SSTR5: variants seen among roughly 807,000 people sequenced by gnomAD.
The protein encoded by SSTR5 is somatostatin receptor 5, also known as somatostatin receptor type 5.
Under a neutral mutation model 0.3 loss-of-function variants are expected in SSTR5, and 1 was observed. That is an observed-to-expected ratio of 2.98 (90% CI 1.06 to 14.15). The LOEUF is 14.15. SSTR5 is among the 30% of genes most tolerant of loss of function. The pLI, the probability that SSTR5 is intolerant of heterozygous loss-of-function variation, is 0.12. For missense variants in SSTR5, 516 were observed against 543.2 expected, an observed-to-expected ratio of 0.95 and a Z score of 0.50; for synonymous variants, 256 against 263.1, an observed-to-expected ratio of 0.97 and a Z score of 0.26.
intron 1 of SSTR5, among the ~76,000 whole-genome samples, 30 bp downstream of exon 1, chr16:1,072,852 C>T (rs1176767837): frequency 1.3e-5 from 2 of 151,894 alleles, no homozygotes; most frequent in Admixed American, 1.3e-4. Context: ...GTCCCCCTCC[C>T]GCGCGGGCAC....
Position 1,080,293 on chromosome 16 carries a change from G to A in SSTR5, c.*330G>A, listed in dbSNP as rs529760776. Reference sequence around the variant, plus strand: ...CATGCCGGCCTTCCCTCTGGGGAGCGACTTTTCCAGAAGGCCGGCCAGGCG... The same window carrying A: ...CATGCCGGCCTTCCCTCTGGGGAGCAACTTTTCCAGAAGGCCGGCCAGGCG... On this transcript the variant is annotated 3_prime_UTR_variant, in exon 2 of 2. Transcript: ENST00000689027. Among the ~76,000 whole-genome samples the A allele has an allele frequency of 1.2e-4, 18 of 152,310 alleles. No individual in the cohort carries two copies. In the South Asian group the frequency reaches 1.5e-3, roughly 12 times the overall value.
chr16:1,079,703 G>A lies in SSTR5; in HGVS notation c.835G>A (p.Glu279Lys), dbSNP rs140632661. 3.4e-4 allele frequency: 556 copies of A among 1,612,062 alleles called. 6 individuals carry two copies. Among genetic ancestry groups the A allele is most frequent in the Non-Finnish European group, 7.0e-5 (83 of 1,179,914 alleles). The change falls in exon 2 of 2, where the codon GAG (glutamate) becomes AAG (lysine). Residue 279 changes from glutamate (E) to lysine (K), a missense_variant. Glu to Lys is a moderately conservative substitution (Grantham distance 56). Coordinates refer to ENST00000689027, the MANE Select transcript of SSTR5 (RefSeq NM_001172560.3). ...IVNLAVALPQEPASAGLYFFV... is the reference protein window; with the variant it reads ...IVNLAVALPQKPASAGLYFFV... Reference sequence around the variant, plus strand: ...CAACCTGGCCGTGGCGCTGCCCCAGGAGCCCGCCTCCGCCGGCCTCTACTT... The same window carrying A: ...CAACCTGGCCGTGGCGCTGCCCCAGAAGCCCGCCTCCGCCGGCCTCTACTT...
At position 1,081,291 on chromosome 16, in the gene SSTR5, A is replaced by G; in HGVS notation, c.*1328A>G. On this transcript the variant is annotated 3_prime_UTR_variant, in exon 2 of 2. Transcript: ENST00000689027. ...CGACCCGTGCTCCCGCCGTCTGCCC[A>G]GAGCAGGACCTCAACCTCCTGGAGG... 1 of 365,556 alleles carries G rather than the reference A, an allele frequency of 2.7e-6. No homozygotes were observed. Among genetic ancestry groups the G allele is most frequent in the Non-Finnish European group, 5.7e-6 (1 of 175,734 alleles). The allele number at this position is 365,556 out of a possible 1,614,324, so 22.6% of individuals were successfully genotyped here.
rs1184407227 is a variant in SSTR5, at chr16:1,080,289, G to T, written c.*326G>T. The T allele has an allele frequency of 2.2e-5, 8 of 368,792 alleles. No homozygotes were observed. The highest frequency in any genetic ancestry group is 3.5e-5 in the Non-Finnish European group (7 of 197,408). The allele number at this position is 368,792 out of a possible 1,614,324, so 22.8% of individuals were successfully genotyped here. ...AGCCCATGCCGGCCTTCCCTCTGGG[G>T]AGCGACTTTTCCAGAAGGCCGGCCA... On this transcript the variant is annotated 3_prime_UTR_variant, in exon 2 of 2. Transcript: ENST00000689027.
In SSTR5 at chr16:1,078,832, T is replaced by C. The variant is rs1960271243; in HGVS notation, c.-27-10T>C. 1.3e-6 allele frequency: 2 copies of C among 1,599,034 alleles called. No individual in the cohort carries two copies. The highest frequency in any genetic ancestry group is 2.2e-5 in the South Asian group (2 of 90,548). ...TCACCACCCTGGCGTCCTCCCTTCT[T>C]CTCTTGCAGAGCCTGACGCACCCCA... is the stretch of plus-strand genomic sequence containing the variant. On this transcript the variant is annotated splice_polypyrimidine_tract_variant and intron_variant, in intron 1 of 1. Transcript: ENST00000689027.
In SSTR5 at chr16:1,078,918, CG is replaced by C; in HGVS notation, c.55del (p.Ala19LeufsTer53). Reference sequence around the variant, plus strand: ...ACGCCCAGCTGGAACGCCTCCTCCCCGGGGGCTGCCTCTGGAGGCGGTGACA... The same window carrying C: ...ACGCCCAGCTGGAACGCCTCCTCCCCGGGGCTGCCTCTGGAGGCGGTGACA... Reference protein sequence around the residue: ...ASTPSWNASSPGAASGGGDNR... With the variant: ...ASTPSWNASSXGAASGGGDNR... On this transcript the variant is annotated frameshift_variant, in exon 2 of 2. Coordinates refer to ENST00000689027, the MANE Select transcript of SSTR5 (RefSeq NM_001172560.3). LOFTEE classifies it low-confidence loss of function (END_TRUNC). 2 of 1,603,876 alleles carry C rather than the reference CG, an allele frequency of 1.2e-6. No homozygotes were observed.
chr16:1,079,557 C>CGGCG lies in SSTR5; in HGVS notation c.694_697dup (p.Val233GlyfsTer78), dbSNP rs1245218669. ...CTGCTCATCGTGGTGAAGGTGAGGG[C>CGGCG]GGCGGGCGTGCGCGTGGGCTGCGTG... On this transcript the variant is annotated frameshift_variant, in exon 2 of 2. Transcript: ENST00000689027. LOFTEE classifies it low-confidence loss of function (END_TRUNC). 3 of 1,611,502 alleles carry CGGCG rather than the reference C, an allele frequency of 1.9e-6. No homozygotes were observed. The highest frequency in any genetic ancestry group is 1.3e-5 in the African/African-American group (1 of 74,888).
rs1045939494 is a variant in SSTR5 at position 1,072,811 on chromosome 16, G to A, written c.-39G>A. The stretch of plus-strand genomic sequence containing the variant: ...ATCGGGGCTCCCCCGTTCAGAGGGC[G>A]CCGCCGCCCAGGTGAGTGCCGCCCG... On this transcript the variant is annotated 5_prime_UTR_variant, in exon 1 of 2. Transcript: ENST00000689027. Among the ~76,000 whole-genome samples, 17 of 151,188 alleles carry A rather than the reference G, an allele frequency of 1.1e-4. No individual in the cohort carries two copies. Among genetic ancestry groups the A allele is most frequent in the African/African-American group, 3.6e-4 (15 of 41,188 alleles).
intron 1 of SSTR5, among the ~76,000 whole-genome samples, chr16:1,077,197 C>T (rs1038784579): frequency 6.6e-6 from 1 of 152,174 alleles, no homozygotes; most frequent in Admixed American, 6.5e-5. Flanking sequence ...TGAGGTGCCT[C>T]CAGGGTCAGG....
intron 1 of SSTR5, 151 bp from the exon 2 acceptor site, chr16:1,078,691 T>C: frequency 1.4e-6 from 1 of 738,852 alleles, no homozygotes; most frequent in Non-Finnish European, 2.2e-6. Context: ...TTGCTTAACG[T>C]GATTCCCGGC....
chr16:1,073,242 G>A (rs1014844214), intron 1 of SSTR5: 14 of 152,328 alleles, frequency 9.2e-5, no homozygotes, highest in Non-Finnish European at 1.9e-4. Context: ...GGGTAAGGCT[G>A]GGGAGGGCTC....
rs74404661 is a variant in SSTR5, at chr16:1,074,286, G to C, written c.-28+1464G>C. 4.6e-5 allele frequency among the ~76,000 whole-genome samples: 7 copies of C among 152,330 alleles called. No homozygotes were observed. The East Asian group carries it at 1.4e-3, about 29-fold the overall frequency. ...TGCCCAGCACACAATGGAGGAGCCC[G>C]GGTGGGTCTGCAGCCTCTCCAGGGT... On this transcript the variant is annotated intron_variant, in intron 1 of 1. Transcript: ENST00000689027.
At position 1,081,269 on chromosome 16, in the gene SSTR5, C is replaced by A. The variant is rs1377790564; in HGVS notation, c.*1306C>A. 2.7e-6 allele frequency: 1 copy of A among 377,026 alleles called. No homozygotes were observed. Among genetic ancestry groups the A allele is most frequent in the East Asian group, 7.7e-5 (1 of 13,024 alleles). 23.4% of individuals were successfully genotyped at this position (377,026 alleles called of 1,614,324 possible). On this transcript the variant is annotated 3_prime_UTR_variant, in exon 2 of 2. Transcript: ENST00000689027. ...CTGCCCTGCCCAGCACTGGCCCCGA[C>A]CCGTGCTCCCGCCGTCTGCCCAGAG...
At position 1,078,955 on chromosome 16, in the gene SSTR5, G is replaced by A. The variant is rs780393310; in HGVS notation, c.87G>A (p.Leu29=). ...AASGGGDNRT[L]VGPAPSAGAR... Reference sequence around the variant, plus strand: ...CTGGAGGCGGTGACAACAGGACGCTGGTGGGGCCGGCGCCCTCGGCAGGGG... The same window carrying A: ...CTGGAGGCGGTGACAACAGGACGCTAGTGGGGCCGGCGCCCTCGGCAGGGG... The change falls in exon 2 of 2, where the codon CTG becomes CTA. Residue 29 remains leucine, a synonymous_variant. Transcript: ENST00000689027. The A allele has an allele frequency of 1.3e-6, 2 of 1,595,164 alleles. No homozygotes were observed. The highest frequency in any genetic ancestry group is 1.7e-5 in the Admixed American group (1 of 57,914).
Position 1,079,189 on chromosome 16 carries a change from C to G in SSTR5, c.321C>G (p.Phe107Leu), listed in dbSNP as rs4988486. Residue 107 changes from phenylalanine (F) to leucine (L), a missense_variant, in exon 2 of 2, where the codon TTC (phenylalanine) becomes TTG (leucine). Physicochemically the swap from Phe to Leu is conservative, Grantham distance 22. Coordinates refer to ENST00000689027, the MANE Select transcript of SSTR5 (RefSeq NM_001172560.3). Reference sequence around the variant, plus strand: ...AGAACGCCGCGTCCTTCTGGCCCTTCGGCCCCGTCCTGTGCCGCCTGGTCA... The same window carrying G: ...AGAACGCCGCGTCCTTCTGGCCCTTGGGCCCCGTCCTGTGCCGCCTGGTCA... ...ATQNAASFWP[F>L]GPVLCRLVMT... is the part of the protein sequence containing the mutation. The G allele has an allele frequency of 6.2e-7, 1 of 1,612,558 alleles. No individual in the cohort carries two copies. Among genetic ancestry groups the G allele is most frequent in the Non-Finnish European group, 8.5e-7 (1 of 1,179,920 alleles).
chr16:1,073,818 G>A (rs1960138543), intron 1 of SSTR5, among the ~76,000 whole-genome samples: 1 of 152,240 alleles, frequency 6.6e-6, no homozygotes, highest in South Asian at 2.1e-4. Flanking sequence ...GGGACTGCCA[G>A]AGCCTCCTGG....
Position 1,078,823 on chromosome 16 carries a change from C to G in SSTR5, c.-27-19C>G. ...TTCAGGGACTCACCACCCTGGCGTC[C>G]TCCCTTCTTCTCTTGCAGAGCCTGA... On this transcript the variant is annotated intron_variant, in intron 1 of 1. Transcript: ENST00000689027. The G allele has an allele frequency of 6.3e-7, 1 of 1,595,068 alleles. No homozygotes were observed.
At chr16:1,078,474 G>C (rs1187931614) in intron 1 of SSTR5, 1 of 244,138 alleles carries the variant, frequency 4.1e-6, no homozygotes, top group Non-Finnish European at 7.9e-6. Flanking sequence ...GACGAGGGCA[G>C]CAGCACTGCA....
intron 1 of SSTR5, among the ~76,000 whole-genome samples, chr16:1,077,178 C>A (rs1227341127): frequency 1.3e-5 from 2 of 152,222 alleles, no homozygotes; most frequent in East Asian, 1.9e-4. Context: ...CTGGGGTCGT[C>A]CTGTGCTCTG....
Sources: allele counts gnomAD v4.1 joint callset (sites outside exome capture counted in the v4.1 genomes callset), GRCh38; gene constraint gnomAD v4.1.1; transcripts MANE v1.5; gene names NCBI Gene and HGNC (gene_info 2026-07-23, HGNC 2026-07-21).